The following CDC14B variants were observed in gnomAD, a reference collection of about 807,000 sequenced individuals.
The protein encoded by CDC14B is dual specificity protein phosphatase CDC14B.
In CDC14B, 22 loss-of-function variants were observed where a neutral mutation model predicts 64.2. The observed-to-expected ratio is 0.34, with a 90% confidence interval of 0.24 to 0.49. The LOEUF is 0.49. CDC14B is among the 20% of genes least tolerant of loss of function. CDC14B has a pLI of 0.99. For synonymous variants in CDC14B, 191 were observed against 215.8 expected (o/e 0.89, Z 1.01); for missense variants, 498 against 629.9 (o/e 0.79, Z 2.24).
intron 13 of CDC14B, among the ~76,000 whole-genome samples, chr9:96,494,838 C>T (rs930206939): frequency 6.9e-6 from 1 of 144,840 alleles, no homozygotes; most frequent in East Asian, 2.1e-4. Flanking sequence ...CCTCCCCTCC[C>T]CTCCCCTTTC....
intron 1 of CDC14B, among the ~76,000 whole-genome samples, chr9:96,577,297 T>C (rs1044527955): frequency 1.3e-5 from 2 of 150,856 alleles, no homozygotes. Context: ...AAAAAATCTA[T>C]CAATCTATCA....
chr9:96,596,907 A>G lies in CDC14B; in HGVS notation c.160+22312T>C, dbSNP rs376642744. On this transcript the variant is annotated intron_variant, in intron 1 of 13. Coordinates refer to ENST00000375241, the MANE Select transcript of CDC14B (RefSeq NM_033331.4). ...GTAAGAGTGAGCTATACAACAACAT[A>G]AAATGGTCTAATAAGCAGATAATTA... Among the ~76,000 whole-genome samples the G allele has an allele frequency of 2.5e-4, 38 of 152,252 alleles. No homozygotes were observed. The East Asian group carries it at 6.0e-3, about 24-fold the overall frequency.
At chr9:96,592,652 A>T (rs1845854147) in intron 1 of CDC14B, among the ~76,000 whole-genome samples, 1 of 152,116 alleles carries the variant, frequency 6.6e-6, no homozygotes, top group Non-Finnish European at 1.5e-5. Context: ...GGGTGCCTGT[A>T]GTCCCAGCTA....
At chr9:96,598,444 C>T (rs1444739644) in intron 1 of CDC14B, among the ~76,000 whole-genome samples, 4 of 152,120 alleles carry the variant, frequency 2.6e-5, no homozygotes, top group Non-Finnish European at 4.4e-5. Context: ...TCATGTCATT[C>T]GCCTGCCTCA....
chr9:96,599,117 C>T (rs746185447), intron 1 of CDC14B, among the ~76,000 whole-genome samples: 1 of 152,180 alleles, frequency 6.6e-6, no homozygotes, highest in Non-Finnish European at 1.5e-5. Flanking sequence ...TGGTGGCTCA[C>T]ACCTGTAATC....
At chr9:96,514,439 C>A (rs984514378) in intron 12 of CDC14B, 2 of 985,206 alleles carry the variant, frequency 2.0e-6, no homozygotes, top group Non-Finnish European at 2.4e-6. Context: ...TCTGAATGCG[C>A]GACAATAAGC....
At chr9:96,606,659 C>T (rs1343105616) in intron 1 of CDC14B, among the ~76,000 whole-genome samples, 3 of 151,624 alleles carry the variant, frequency 2.0e-5, no homozygotes, top group East Asian at 3.9e-4. Flanking sequence ...CTCTACCTCC[C>T]GGGTTCAAGC....
intron 1 of CDC14B, among the ~76,000 whole-genome samples, chr9:96,576,142 G>T (rs1000540732): frequency 6.6e-6 from 1 of 151,900 alleles, no homozygotes; most frequent in Non-Finnish European, 1.5e-5. Context: ...AGCTGGGCAT[G>T]GTGGCGGGCA....
At chr9:96,513,968 C>T (rs1388012532) in intron 12 of CDC14B, among the ~76,000 whole-genome samples, 3 of 152,178 alleles carry the variant, frequency 2.0e-5, no homozygotes, top group African/African-American at 7.2e-5. Context: ...GGAGTCACCA[C>T]CTTACAAATA....
At chr9:96,566,358 ATTT>A (rs201974662) in intron 1 of CDC14B, among the ~76,000 whole-genome samples, 1,998 of 140,894 alleles carry the variant, frequency 0.014, 39 homozygotes, top group African/African-American at 0.05. Context: ...ATGGTAAACT[ATTT>A]TTTTTTTTTT....
chr9:96,502,030 G>A lies in CDC14B; in HGVS notation c.*1723C>T, dbSNP rs1833599671. On this transcript the variant is annotated 3_prime_UTR_variant, in exon 14 of 14. Transcript: ENST00000375241. Reference sequence around the variant, plus strand: ...CAGTTTGAATATTTATATTGTCTCAGCTCAAAATAGCAAAAGGAATGTTCC... The same window carrying A: ...CAGTTTGAATATTTATATTGTCTCAACTCAAAATAGCAAAAGGAATGTTCC... 2 of 152,166 alleles carry A rather than the reference G, an allele frequency of 1.3e-5. No individual in the cohort carries two copies. The highest frequency in any genetic ancestry group is 2.1e-4 in the South Asian group (1 of 4,820). 9.4% of individuals were successfully genotyped at this position (152,166 alleles called of 1,614,324 possible). A position where few individuals can be genotyped will look rare whatever the true frequency, so the allele number is the denominator to read the frequency against.
Position 96,564,783 on chromosome 9 carries a change from T to C in CDC14B, c.321A>G (p.Lys107=). 6.3e-7 allele frequency: 1 copy of C among 1,589,388 alleles called. No individual in the cohort carries two copies. The highest frequency in any genetic ancestry group is 2.3e-5 in the East Asian group (1 of 44,430). Residue 107 remains lysine, a synonymous_variant, in exon 3 of 14, where the codon AAA becomes AAG. Transcript: ENST00000375241. ...VYRYCCKINK[K]LKSITMLRKK... is the part of the protein sequence containing the mutation. ...CAAATCTTAAAGACTTTACCTTTAATTTCTTATTGATCTTGCAACAATATC... is the reference window on the plus strand; with the variant it reads ...CAAATCTTAAAGACTTTACCTTTAACTTCTTATTGATCTTGCAACAATATC...
At chr9:96,534,373 G>C (rs1838973269) in intron 8 of CDC14B, 82 bp downstream of exon 8, 1 of 1,016,844 alleles carries the variant, frequency 9.8e-7, no homozygotes, top group African/African-American at 1.6e-5. Flanking sequence ...ACTTGGTCAA[G>C]CTTGGTGTAA....
intron 13 of CDC14B, among the ~76,000 whole-genome samples, chr9:96,506,036 G>A (rs139565048): frequency 3.9e-4 from 59 of 152,350 alleles, no homozygotes; most frequent in African/African-American, 1.4e-3. Flanking sequence ...AGCGCAAAGC[G>A]AGTTTGGGTG....
chr9:96,511,474 G>A (rs890238599), intron 12 of CDC14B, among the ~76,000 whole-genome samples: 1 of 152,184 alleles, frequency 6.6e-6, no homozygotes, highest in Admixed American at 6.5e-5. Context: ...AGGTGGCTGA[G>A]GCAGGAGAAC....
chr9:96,597,549 GA>G (rs954933427), intron 1 of CDC14B, among the ~76,000 whole-genome samples: 2 of 142,324 alleles, frequency 1.4e-5, no homozygotes, highest in East Asian at 2.0e-4. Context: ...AGTATTCAAA[GA>G]AAAAAAATGA....
At chr9:96,532,842 T>A (rs1243656106) in intron 9 of CDC14B, among the ~76,000 whole-genome samples, 2 of 152,216 alleles carry the variant, frequency 1.3e-5, no homozygotes, top group African/African-American at 4.8e-5. Flanking sequence ...TATTAGTATT[T>A]CTTCATAAAT....
In CDC14B at chr9:96,533,876, AT is replaced by A. The variant is rs1184417370; in HGVS notation, c.946+50del. 11 of 1,112,334 alleles carry A rather than the reference AT, an allele frequency of 9.9e-6. 1 individual carries two copies. The highest frequency in any genetic ancestry group is 1.4e-5 in the Non-Finnish European group (11 of 791,464). The allele number at this position is 1,112,334 out of a possible 1,614,324, so 68.9% of individuals were successfully genotyped here. A position where few individuals can be genotyped will look rare whatever the true frequency, so the allele number is the denominator to read the frequency against. On this transcript the variant is annotated intron_variant, in intron 9 of 13. Coordinates refer to ENST00000375241, the MANE Select transcript of CDC14B (RefSeq NM_033331.4). The stretch of plus-strand genomic sequence containing the variant: ...AAATGAATATGGTCTGTTTCTACAT[AT>A]TCATATACTCATACTGTATACTATT...
At chr9:96,594,370 TATCCAACAGA>T (rs1397071860) in intron 1 of CDC14B, among the ~76,000 whole-genome samples, 1 of 152,108 alleles carries the variant, frequency 6.6e-6, no homozygotes, top group African/African-American at 2.4e-5. Flanking sequence ...GGGTCCAAAG[TATCCAACAGA>T]ATCCAACAGA....
Sources: allele counts gnomAD v4.1 joint callset (sites outside exome capture counted in the v4.1 genomes callset), GRCh38; gene constraint gnomAD v4.1.1; transcripts MANE v1.5; gene names NCBI Gene and HGNC (gene_info 2026-07-23, HGNC 2026-07-21).